The following CTNNA3 variants were observed in gnomAD, a reference collection of about 807,000 sequenced individuals.
CTNNA3 encodes the protein catenin alpha 3.
CTNNA3 carries 76 observed loss-of-function variants against 95.7 expected under a neutral mutation model. The ratio of observed to expected loss-of-function variants is 0.79; its 90% CI spans 0.66 to 0.96. The LOEUF is 0.96. Ranked by LOEUF, CTNNA3 falls within the 40% of genes least tolerant of loss-of-function variation. The pLI, the probability that CTNNA3 is intolerant of heterozygous loss-of-function variation, is 0.00. For missense variants in CTNNA3, 1,191 were observed against 1,089.8 expected (o/e 1.09, Z -1.31); for synonymous variants, 431 against 374.4 (o/e 1.15, Z -1.74).
At chr10:67,309,474 T>G (rs1215212755) in intron 5 of CTNNA3, among the ~76,000 whole-genome samples, 1 of 152,076 alleles carries the variant, frequency 6.6e-6, no homozygotes, top group Non-Finnish European at 1.5e-5. Context: ...GATGTGGACA[T>G]GGATGAGAAG....
At chr10:66,674,285 T>C (rs1175321914) in intron 9 of CTNNA3, among the ~76,000 whole-genome samples, 1 of 152,082 alleles carries the variant, frequency 6.6e-6, no homozygotes, top group Non-Finnish European at 1.5e-5. Flanking sequence ...TATTTGCTTT[T>C]GGGTTTTTTT....
chr10:66,279,332 A>G (rs12763441), intron 13 of CTNNA3, among the ~76,000 whole-genome samples: 40,861 of 151,874 alleles, frequency 0.27, 6,159 homozygotes, highest in African/African-American at 0.4. Context: ...CAGACTTACT[A>G]ACAGTTAAGT....
intron 5 of CTNNA3, among the ~76,000 whole-genome samples, chr10:67,402,542 G>A (rs1844963014): frequency 6.6e-6 from 1 of 152,190 alleles, no homozygotes; most frequent in South Asian, 2.1e-4. Flanking sequence ...TTCGCACTGG[G>A]ACTGATCAGG....
intron 13 of CTNNA3, among the ~76,000 whole-genome samples, chr10:66,134,442 T>G (rs1589509507): frequency 6.6e-6 from 1 of 152,216 alleles, no homozygotes; most frequent in East Asian, 1.9e-4. Context: ...TAAAAACAAA[T>G]TACATGGTTT....
intron 6 of CTNNA3, among the ~76,000 whole-genome samples, chr10:67,188,490 G>T (rs1054201190): frequency 3.3e-5 from 5 of 152,154 alleles, no homozygotes; most frequent in African/African-American, 4.8e-5. Context: ...GAAAGCTACA[G>T]GTAATCTTGA....
chr10:66,372,255 G>A lies in CTNNA3; in HGVS notation c.1732+6897C>T, dbSNP rs114796292. 5.4e-3 allele frequency among the ~76,000 whole-genome samples: 821 copies of A among 152,060 alleles called. 10 individuals carry two copies. The highest frequency in any genetic ancestry group is 0.014 in the African/African-American group (570 of 41,466). ...TTTAAACATAAATTATTTTTCTATT[G>A]CCTTCAGCACATAAAGATCCATAGA... On this transcript the variant is annotated intron_variant, in intron 12 of 17. Coordinates refer to ENST00000433211, the MANE Select transcript of CTNNA3 (RefSeq NM_013266.4).
chr10:66,784,743 T>C (rs1302180160), intron 7 of CTNNA3, among the ~76,000 whole-genome samples: 1 of 152,136 alleles, frequency 6.6e-6, no homozygotes, highest in African/African-American at 2.4e-5. Flanking sequence ...CTCACATCCA[T>C]AATAAAGGTA....
At chr10:67,687,149 G>C (rs1401851494) in intron 1 of CTNNA3, among the ~76,000 whole-genome samples, 3 of 152,186 alleles carry the variant, frequency 2.0e-5, no homozygotes, top group African/African-American at 7.2e-5. Context: ...TTAACACTGA[G>C]AAGGCCATGC....
intron 3 of CTNNA3, among the ~76,000 whole-genome samples, chr10:67,563,168 G>C (rs1442936555): frequency 6.6e-6 from 1 of 152,086 alleles, no homozygotes; most frequent in Admixed American, 6.6e-5. Context: ...CCAAAAAAGA[G>C]CCCGCATCGC....
chr10:66,161,655 A>G (rs1018539027), intron 13 of CTNNA3, among the ~76,000 whole-genome samples: 1 of 152,190 alleles, frequency 6.6e-6, no homozygotes, highest in African/African-American at 2.4e-5. Context: ...TTAACTTTGT[A>G]TAGCCTGATG....
intron 3 of CTNNA3, among the ~76,000 whole-genome samples, chr10:67,571,797 C>T (rs747855313): frequency 6.6e-6 from 1 of 152,138 alleles, no homozygotes; most frequent in Non-Finnish European, 1.5e-5. Context: ...CTGCATGTGG[C>T]CGCTGAGCAC....
chr10:67,339,592 T>C (rs1292413856), intron 5 of CTNNA3, among the ~76,000 whole-genome samples: 1 of 151,814 alleles, frequency 6.6e-6, no homozygotes, highest in Non-Finnish European at 1.5e-5. Flanking sequence ...ACAATACTTT[T>C]TACTACGGAG....
intron 7 of CTNNA3, among the ~76,000 whole-genome samples, chr10:67,154,839 G>A (rs1861229814): frequency 6.6e-6 from 1 of 152,130 alleles, no homozygotes; most frequent in Non-Finnish European, 1.5e-5. Flanking sequence ...GTTCTTTCCA[G>A]AATTCACGGG....
intron 11 of CTNNA3, among the ~76,000 whole-genome samples, chr10:66,403,687 T>A (rs2093036690): frequency 6.6e-6 from 1 of 152,164 alleles, no homozygotes; most frequent in African/African-American, 2.4e-5. Flanking sequence ...GACCCCAGTT[T>A]GGTCCTAAAA....
At chr10:67,533,671 T>C (rs558022473) in intron 4 of CTNNA3, among the ~76,000 whole-genome samples, 1 of 152,318 alleles carries the variant, frequency 6.6e-6, no homozygotes, top group Admixed American at 6.5e-5. Flanking sequence ...TTGGCAGTAC[T>C]TGTCCATTTT....
At position 66,367,561 on chromosome 10, in the gene CTNNA3, A is replaced by G. The variant is rs142285240; in HGVS notation, c.1732+11591T>C. On this transcript the variant is annotated intron_variant, in intron 12 of 17. Transcript: ENST00000433211. ...TTAATATATGTAATAGATATTCAAA[A>G]CCAGCATAACAGATGTTTGCCATGT... 3.6e-3 allele frequency among the ~76,000 whole-genome samples: 532 copies of G among 149,792 alleles called. 5 individuals are homozygous for G. The highest frequency in any genetic ancestry group is 0.012 in the African/African-American group (499 of 41,194).
In CTNNA3 at chr10:66,903,970, T is replaced by C. The variant is rs556036002; in HGVS notation, c.1048-128446A>G. Among the ~76,000 whole-genome samples the C allele has an allele frequency of 3.3e-5, 5 of 152,244 alleles. No individual in the cohort carries two copies. In the East Asian group the frequency reaches 9.7e-4, roughly 29 times the overall value. On this transcript the variant is annotated intron_variant, in intron 7 of 17. Coordinates refer to ENST00000433211, the MANE Select transcript of CTNNA3 (RefSeq NM_013266.4). ...CGTACTGCCCAAGGTAATTTATAGATTCAAAGTCGTCCTCACCAAGCTACC... is the reference window on the plus strand; with the variant it reads ...CGTACTGCCCAAGGTAATTTATAGACTCAAAGTCGTCCTCACCAAGCTACC...
At chr10:66,270,588 A>T (rs539914378) in intron 13 of CTNNA3, among the ~76,000 whole-genome samples, 1 of 152,250 alleles carries the variant, frequency 6.6e-6, no homozygotes, top group Non-Finnish European at 1.5e-5. Flanking sequence ...AGATAAATAA[A>T]TGAATAAATA....
intron 15 of CTNNA3, among the ~76,000 whole-genome samples, chr10:66,049,987 C>A (rs967997593): frequency 7.2e-5 from 11 of 151,878 alleles, no homozygotes; most frequent in Non-Finnish European, 1.3e-4. Flanking sequence ...ACCACACACA[C>A]AAAAAAGAGA....
Sources: gnomAD v4.1 joint callset for allele counts (sites outside exome capture counted in the v4.1 genomes callset) on GRCh38, gnomAD v4.1.1 for gene constraint, MANE v1.5 for transcripts, NCBI Gene and HGNC (gene_info 2026-07-23, HGNC 2026-07-21) for gene names.